The following FCHSD2 variants were observed in gnomAD, a reference collection of about 807,000 sequenced individuals.
FCHSD2 encodes the protein FCH and double SH3 domains 2.
In FCHSD2, 38 loss-of-function variants were observed where a neutral mutation model predicts 108.1. That is an observed-to-expected ratio of 0.35 (90% CI 0.27 to 0.46). The LOEUF is 0.46. Among genes scored for constraint, FCHSD2 ranks in the 20% least tolerant of loss-of-function variants. The probability of loss-of-function intolerance (pLI) is 1.00; values close to 1 mark genes in which losing one functional copy is unlikely to be tolerated. For missense variants in FCHSD2, 751 were observed against 897.8 expected (o/e 0.84, Z 2.09); for synonymous variants, 279 against 314.7 (o/e 0.89, Z 1.20).
intron 8 of FCHSD2, among the ~76,000 whole-genome samples, chr11:72,950,918 C>G (rs547948361): frequency 6.6e-6 from 1 of 152,194 alleles, no homozygotes; most frequent in Non-Finnish European, 1.5e-5. Flanking sequence ...CTAATTCTCT[C>G]TAATTCAGTG....
chr11:72,885,470 A>G (rs368915774), intron 12 of FCHSD2, among the ~76,000 whole-genome samples: 16 of 152,198 alleles, frequency 1.1e-4, no homozygotes, highest in African/African-American at 3.6e-4. Flanking sequence ...AGTTTGGCAT[A>G]CTATGGAAAT....
intron 3 of FCHSD2, among the ~76,000 whole-genome samples, chr11:73,044,126 A>G (rs1004671715): frequency 6.6e-5 from 10 of 152,222 alleles, no homozygotes; most frequent in Non-Finnish European, 2.9e-5. Flanking sequence ...CCACTGATAC[A>G]TCCAAGGCCT....
At chr11:73,095,089 C>T (rs1860044616) in intron 2 of FCHSD2, among the ~76,000 whole-genome samples, 1 of 152,078 alleles carries the variant, frequency 6.6e-6, no homozygotes, top group African/African-American at 2.4e-5. Context: ...ACAGATGATG[C>T]CAAGGCCCAC....
intron 8 of FCHSD2, among the ~76,000 whole-genome samples, chr11:72,976,681 T>C (rs887637807): frequency 1.3e-5 from 2 of 152,098 alleles, no homozygotes; most frequent in African/African-American, 4.8e-5. Context: ...ACCAAAACAG[T>C]ATGGTACTGG....
At chr11:73,042,415 A>G (rs533610814) in intron 3 of FCHSD2, among the ~76,000 whole-genome samples, 2 of 152,080 alleles carry the variant, frequency 1.3e-5, no homozygotes, top group Non-Finnish European at 2.9e-5. Context: ...CCATTGTTCT[A>G]TGTGTCTGTA....
intron 3 of FCHSD2, among the ~76,000 whole-genome samples, chr11:73,027,510 T>C (rs1047280560): frequency 1.3e-5 from 2 of 152,196 alleles, no homozygotes; most frequent in Non-Finnish European, 2.9e-5. Flanking sequence ...TTGGAACTTA[T>C]GTTTAAAAGG....
intron 10 of FCHSD2, chr11:72,900,170 T>G: frequency 1.1e-6 from 1 of 915,054 alleles, no homozygotes; most frequent in South Asian, 1.5e-5. Flanking sequence ...TATACATAAC[T>G]TTCATCCCAA....
chr11:72,843,436 C>T lies in FCHSD2; in HGVS notation c.1527+13G>A. 2 of 1,606,810 alleles carry T rather than the reference C, an allele frequency of 1.2e-6. No individual in the cohort carries two copies. The highest frequency in any genetic ancestry group is 1.7e-6 in the Non-Finnish European group (2 of 1,173,300). ...ATGTCACAAGAAAGGGCGATATGAGCAAAGGAATATACCTTTACCCAGTCT... is the reference window on the plus strand; with the variant it reads ...ATGTCACAAGAAAGGGCGATATGAGTAAAGGAATATACCTTTACCCAGTCT... On this transcript the variant is annotated intron_variant, in intron 15 of 19. Transcript: ENST00000409418.
intron 3 of FCHSD2, among the ~76,000 whole-genome samples, chr11:73,076,837 G>A (rs1018151391): frequency 1.2e-4 from 18 of 152,098 alleles, no homozygotes; most frequent in Admixed American, 9.2e-4. Flanking sequence ...TAGGCCCGGC[G>A]CAGTGCCTCA....
intron 3 of FCHSD2, among the ~76,000 whole-genome samples, chr11:73,073,738 T>A (rs1038824151): frequency 7.2e-5 from 11 of 152,310 alleles, no homozygotes; most frequent in Middle Eastern, 3.4e-3. Context: ...CAGTTGGCCA[T>A]AATGCCATAT....
intron 8 of FCHSD2, among the ~76,000 whole-genome samples, chr11:72,951,147 T>C (rs925536696): frequency 4.6e-5 from 7 of 152,218 alleles, no homozygotes; most frequent in Admixed American, 3.9e-4. Context: ...ACCATTGCAT[T>C]AGAAATAATT....
chr11:72,995,500 G>A (rs573750280), intron 5 of FCHSD2, among the ~76,000 whole-genome samples: 2 of 151,834 alleles, frequency 1.3e-5, no homozygotes, highest in Admixed American at 6.6e-5. Context: ...CCTGGAGTTC[G>A]AGACCACCCT....
At chr11:73,008,845 C>G (rs925218326) in intron 4 of FCHSD2, among the ~76,000 whole-genome samples, 1 of 151,900 alleles carries the variant, frequency 6.6e-6, no homozygotes, top group African/African-American at 2.4e-5. Flanking sequence ...ATGAAGAGAT[C>G]TACAAAGAAG....
At chr11:73,043,780 C>T (rs962694283) in intron 3 of FCHSD2, among the ~76,000 whole-genome samples, 1 of 152,168 alleles carries the variant, frequency 6.6e-6, no homozygotes, top group African/African-American at 2.4e-5. Context: ...ATAACCTCCA[C>T]GTACCATCTT....
chr11:72,849,830 G>A lies in FCHSD2; in HGVS notation c.1368C>T (p.Phe456=), dbSNP rs767103922. 14 of 1,612,612 alleles carry A rather than the reference G, an allele frequency of 8.7e-6. No individual in the cohort carries two copies. Among genetic ancestry groups the A allele is most frequent in the South Asian group, 7.7e-5 (7 of 91,028 alleles). ...GEEFEDNMDV[F]DDSSSSPSGT... ...CAGAAGGGCTGGAACTGCTGTCATCGAAAACATCCATGTTATCTTCAAACT... is the reference window on the plus strand; with the variant it reads ...CAGAAGGGCTGGAACTGCTGTCATCAAAAACATCCATGTTATCTTCAAACT... Residue 456 remains phenylalanine, a synonymous_variant, in exon 14 of 20, where the codon TTC becomes TTT. Coordinates refer to ENST00000409418, the MANE Select transcript of FCHSD2 (RefSeq NM_014824.3).
intron 2 of FCHSD2, among the ~76,000 whole-genome samples, chr11:73,098,536 T>G (rs2135530436): frequency 6.6e-6 from 1 of 152,286 alleles, no homozygotes; most frequent in South Asian, 2.1e-4. Context: ...GGGTGGAGTG[T>G]TCTATATACA....
chr11:72,926,146 G>A (rs954887018), intron 8 of FCHSD2, among the ~76,000 whole-genome samples: 1 of 152,214 alleles, frequency 6.6e-6, no homozygotes, highest in Non-Finnish European at 1.5e-5. Flanking sequence ...GCAGAAGAGG[G>A]TGGGTTCCCA....
At position 73,090,874 on chromosome 11, in the gene FCHSD2, T is replaced by G. The variant is rs140132918; in HGVS notation, c.120-7134A>C. Among the ~76,000 whole-genome samples the G allele has an allele frequency of 3.1e-3, 466 of 152,292 alleles. 5 individuals are homozygous for G. Among genetic ancestry groups the G allele is most frequent in the African/African-American group, 0.011 (437 of 41,558 alleles). On this transcript the variant is annotated intron_variant, in intron 2 of 19. Coordinates refer to ENST00000409418, the MANE Select transcript of FCHSD2 (RefSeq NM_014824.3). ...ACCACCACCACCTCTAATTTCAAAC[T>G]TTTTCATCACCCCAGAACACTCCAG...
At chr11:73,123,200 C>A (rs950566032) in intron 2 of FCHSD2, among the ~76,000 whole-genome samples, 1 of 152,128 alleles carries the variant, frequency 6.6e-6, no homozygotes, top group Non-Finnish European at 1.5e-5. Flanking sequence ...TGTTAAATCA[C>A]CAATTATTTC....
Sources: allele counts gnomAD v4.1 joint callset (sites outside exome capture counted in the v4.1 genomes callset), GRCh38; gene constraint gnomAD v4.1.1; transcripts MANE v1.5; gene names NCBI Gene and HGNC (gene_info 2026-07-23, HGNC 2026-07-21).